The following USP4 variants were observed in gnomAD, a reference collection of about 807,000 sequenced individuals.
USP4 encodes ubiquitin specific peptidase 4.
In USP4, 72 loss-of-function variants were observed where a neutral mutation model predicts 118.2. The ratio of observed to expected loss-of-function variants is 0.61; its 90% CI spans 0.50 to 0.74. The LOEUF (loss-of-function observed/expected upper bound fraction) is 0.74, where lower values mean the gene tolerates loss of function less well. Among genes scored for constraint, USP4 ranks in the 30% least tolerant of loss-of-function variants. The pLI, the probability that USP4 is intolerant of heterozygous loss-of-function variation, is 0.00. For missense variants in USP4, 1,037 were observed against 1,185.7 expected, an observed-to-expected ratio of 0.87 and a Z score of 1.84; for synonymous variants, 415 against 440.4, an observed-to-expected ratio of 0.94 and a Z score of 0.72.
rs189200482 is a variant in USP4, at chr3:49,305,908, G to A, written c.955-20C>T. 1 of 1,608,584 alleles carries A rather than the reference G, an allele frequency of 6.2e-7. No homozygotes were observed. Among genetic ancestry groups the A allele is most frequent in the East Asian group, 2.2e-5 (1 of 44,752 alleles). ...CAAACACTGAAACAGAACATGATGAGGGCTTTACACACCTTCTAGACAGTA... is the reference window on the plus strand; with the variant it reads ...CAAACACTGAAACAGAACATGATGAAGGCTTTACACACCTTCTAGACAGTA... On this transcript the variant is annotated intron_variant, in intron 8 of 21. Coordinates refer to ENST00000265560, the MANE Select transcript of USP4 (RefSeq NM_003363.4).
chr3:49,293,240 C>T (rs183264042), intron 14 of USP4, among the ~76,000 whole-genome samples: 65 of 151,514 alleles, frequency 4.3e-4, no homozygotes, highest in African/African-American at 1.4e-3. Flanking sequence ...TGGCCAGGCA[C>T]GGTGGCTCAT....
intron 10 of USP4, 60 bp downstream of exon 10, chr3:49,302,324 A>G (rs918942465): frequency 5.1e-6 from 8 of 1,577,322 alleles, no homozygotes; most frequent in Non-Finnish European, 6.9e-6. Flanking sequence ...ATATCCCTGC[A>G]CTCTCAATAG....
intron 4 of USP4, 55 bp from the exon 5 acceptor site, chr3:49,325,094 C>A: frequency 6.3e-7 from 1 of 1,583,488 alleles, no homozygotes; most frequent in South Asian, 1.1e-5. Context: ...AGGCTAAAGA[C>A]AGCCATGGCA....
intron 6 of USP4, among the ~76,000 whole-genome samples, chr3:49,324,329 C>G (rs553632265): frequency 2.4e-4 from 36 of 152,228 alleles, no homozygotes; most frequent in Non-Finnish European, 4.3e-4. Flanking sequence ...CATATAAAAC[C>G]CCATGCCTTA....
At chr3:49,295,190 G>A (rs2047190385) in intron 13 of USP4, among the ~76,000 whole-genome samples, 1 of 149,456 alleles carries the variant, frequency 6.7e-6, no homozygotes, top group South Asian at 2.1e-4. Flanking sequence ...TCGGGAGGCT[G>A]AGGCAGGAGA....
Position 49,277,289 on chromosome 3 carries a change from C to T in USP4, c.*1004G>A. The T allele has an allele frequency of 8.0e-7, 1 of 1,246,678 alleles. No individual in the cohort carries two copies. The highest frequency in any genetic ancestry group is 1.3e-5 in the South Asian group (1 of 79,742). The allele number at this position is 1,246,678 out of a possible 1,614,324, so 77.2% of individuals were successfully genotyped here. A position where few individuals can be genotyped will look rare whatever the true frequency, so the allele number is the denominator to read the frequency against. ...AGGTTGAAGGTCAGACAAAAAATCC[C>T]GGACCCATACGTCCGGTTCCTTAAG... On this transcript the variant is annotated 3_prime_UTR_variant, in exon 22 of 22. Transcript: ENST00000265560.
At chr3:49,297,766 T>C in intron 13 of USP4, 104 bp downstream of exon 13, 1 of 946,240 alleles carries the variant, frequency 1.1e-6, no homozygotes, top group Non-Finnish European at 1.7e-6. Context: ...CCAATCCACA[T>C]GAGCAATGAC....
chr3:49,294,263 G>C (rs1198960653), intron 14 of USP4, 144 bp downstream of exon 14: 6 of 886,850 alleles, frequency 6.8e-6, no homozygotes, highest in Non-Finnish European at 8.4e-6. Flanking sequence ...GGGAGTACAG[G>C]CATGAGCCAC....
intron 6 of USP4, among the ~76,000 whole-genome samples, chr3:49,316,170 C>T (rs1034985854): frequency 6.6e-6 from 1 of 151,872 alleles, no homozygotes; most frequent in South Asian, 2.1e-4. Context: ...CCATTGCACT[C>T]CAGACTGGGA....
At chr3:49,314,578 T>G (rs561622828) in intron 6 of USP4, among the ~76,000 whole-genome samples, 1 of 152,238 alleles carries the variant, frequency 6.6e-6, no homozygotes, top group Non-Finnish European at 1.5e-5. Flanking sequence ...TGGTCTGATA[T>G]GCAATGGCAG....
At position 49,327,804 on chromosome 3, in the gene USP4, T is replaced by G; in HGVS notation, c.242A>C (p.Gln81Pro). ...NSGLFSDPESQTLKEHLIDEL... is the reference protein window; with the variant it reads ...NSGLFSDPESPTLKEHLIDEL... ...ATCAATTAAGTGTTCTTTCAAGGTC[T>G]GACTCTCAGGATCTAAAAAAGGAAA... Residue 81 changes from glutamine to proline, a missense_variant, in exon 3 of 22, where the codon CAG becomes CCG. By Grantham distance (76) the Gln-to-Pro change is moderately conservative. Coordinates refer to ENST00000265560, the MANE Select transcript of USP4 (RefSeq NM_003363.4). The G allele has an allele frequency of 6.2e-7, 1 of 1,613,760 alleles. No homozygotes were observed. Among genetic ancestry groups the G allele is most frequent in the Non-Finnish European group, 8.5e-7 (1 of 1,179,702 alleles).
intron 9 of USP4, among the ~76,000 whole-genome samples, chr3:49,305,360 G>A (rs2047304179): frequency 6.6e-6 from 1 of 150,940 alleles, no homozygotes; most frequent in South Asian, 2.1e-4. Flanking sequence ...TTACAGGCGT[G>A]AGCCACAGCG....
chr3:49,293,268 T>TAGG (rs2047169285), intron 14 of USP4, among the ~76,000 whole-genome samples: 1 of 151,578 alleles, frequency 6.6e-6, no homozygotes, highest in South Asian at 2.1e-4. Flanking sequence ...ATCCTAGCAC[T>TAGG]CTGGGAGGCT....
chr3:49,301,225 C>T (rs887600400), intron 10 of USP4, among the ~76,000 whole-genome samples: 2 of 152,048 alleles, frequency 1.3e-5, no homozygotes, highest in Non-Finnish European at 1.5e-5. Flanking sequence ...CAGGGGAAAG[C>T]CACTGCGCCT....
chr3:49,329,485 C>T (rs1455861842), intron 2 of USP4, among the ~76,000 whole-genome samples: 1 of 152,142 alleles, frequency 6.6e-6, no homozygotes, highest in Non-Finnish European at 1.5e-5. Context: ...ACTGCAGCTT[C>T]GACCTCCCAG....
intron 6 of USP4, among the ~76,000 whole-genome samples, chr3:49,319,844 G>A (rs1190767992): frequency 6.6e-6 from 1 of 151,044 alleles, no homozygotes; most frequent in Non-Finnish European, 1.5e-5. Context: ...TTGAACTCCT[G>A]ACCTCAAGTG....
chr3:49,339,345 A>G (rs1012746661), intron 1 of USP4, among the ~76,000 whole-genome samples: 3 of 152,100 alleles, frequency 2.0e-5, no homozygotes, highest in Admixed American at 6.6e-5. Flanking sequence ...TTCATCTTCT[A>G]TCTAGCTCCA....
Position 49,284,553 on chromosome 3 carries a change from G to A in USP4, c.2303C>T (p.Pro768Leu), listed in dbSNP as rs2047073830. The change falls in exon 18 of 22, where the codon CCT becomes CTT. Residue 768 changes from proline to leucine, a missense_variant. Pro to Leu is a moderately conservative substitution (Grantham distance 98). Transcript: ENST00000265560. ...CACTGTGGTCTTCTTCTTCTTCTGA[G>A]GCTGCAACATGCTCACATGCTTCTC... ...AYEKHVSMLQ[P>L]QKKKKTTVAL... 6.2e-7 allele frequency: 1 copy of A among 1,613,912 alleles called. No homozygotes were observed. Among genetic ancestry groups the A allele is most frequent in the South Asian group, 1.1e-5 (1 of 91,080 alleles).
At chr3:49,326,083 G>A (rs1385733919) in intron 3 of USP4, among the ~76,000 whole-genome samples, 5 of 152,146 alleles carry the variant, frequency 3.3e-5, no homozygotes, top group African/African-American at 7.2e-5. Context: ...CTGGGAGGCC[G>A]AGGTGGGTGG....
Sources: allele counts gnomAD v4.1 joint callset (sites outside exome capture counted in the v4.1 genomes callset), GRCh38; gene constraint gnomAD v4.1.1; transcripts MANE v1.5; gene names NCBI Gene and HGNC (gene_info 2026-07-23, HGNC 2026-07-21).